NAV3: variants seen among roughly 807,000 people sequenced by gnomAD.
The protein encoded by NAV3 is pore membrane and/or filament interacting like protein 1.
A neutral mutation model predicts 244.7 loss-of-function variants in NAV3; 87 were observed. That is an observed-to-expected ratio of 0.36 (90% CI 0.30 to 0.42). The LOEUF (loss-of-function observed/expected upper bound fraction) is 0.42, where lower values mean the gene tolerates loss of function less well. Among genes scored for constraint, NAV3 ranks in the 20% least tolerant of loss-of-function variants. The pLI, the probability that NAV3 is intolerant of heterozygous loss-of-function variation, is 1.00. For missense variants in NAV3, 2,663 were observed against 2,893.3 expected (o/e 0.92, Z 1.83); for synonymous variants, 1,126 against 1,042.2 (o/e 1.08, Z -1.55).
chr12:77,793,067 C>A (rs1333959245), intron 2 of NAV3, among the ~76,000 whole-genome samples: 4 of 152,092 alleles, frequency 2.6e-5, no homozygotes, highest in Non-Finnish European at 4.4e-5. Context: ...AAATTTCTCC[C>A]ACCCACACAG....
intron 2 of NAV3, among the ~76,000 whole-genome samples, chr12:77,704,873 C>T (rs1875721279): frequency 1.3e-5 from 2 of 152,128 alleles, no homozygotes; most frequent in Non-Finnish European, 2.9e-5. Context: ...TGCTAGCTTC[C>T]CACTTCACTG....
chr12:78,011,052 GTTATTC>G (rs1593271797), intron 8 of NAV3, among the ~76,000 whole-genome samples: 1 of 152,068 alleles, frequency 6.6e-6, no homozygotes, highest in African/African-American at 2.4e-5. Context: ...CAAATTTGCT[GTTATTC>G]TTATTCATTT....
At chr12:77,947,051 C>A (rs933079837) in intron 3 of NAV3, among the ~76,000 whole-genome samples, 1 of 152,060 alleles carries the variant, frequency 6.6e-6, no homozygotes, top group East Asian at 1.9e-4. Context: ...CCAGCCACAA[C>A]CTTCAACCTA....
chr12:77,916,240 C>G (rs999521341), intron 1 of NAV3, among the ~76,000 whole-genome samples: 1 of 151,790 alleles, frequency 6.6e-6, no homozygotes, highest in African/African-American at 2.4e-5. Context: ...AATAACAAAA[C>G]AAAAGGAACT....
intron 9 of NAV3, among the ~76,000 whole-genome samples, chr12:78,047,707 G>C (rs1882068952): frequency 6.6e-6 from 1 of 152,152 alleles, no homozygotes; most frequent in Non-Finnish European, 1.5e-5. Flanking sequence ...TTCTCAAAGA[G>C]TATCTTTGTG....
At chr12:77,762,386 C>T (rs1210435879) in intron 2 of NAV3, among the ~76,000 whole-genome samples, 1 of 152,012 alleles carries the variant, frequency 6.6e-6, no homozygotes, top group East Asian at 1.9e-4. Flanking sequence ...ATGTAACAAA[C>T]CTGCACATTC....
chr12:77,639,587 G>A (rs1266090485), intron 2 of NAV3, among the ~76,000 whole-genome samples: 1 of 152,152 alleles, frequency 6.6e-6, no homozygotes, highest in East Asian at 1.9e-4. Flanking sequence ...TGATGTGAAG[G>A]AGAATAATTA....
chr12:77,595,713 TTAAA>T (rs1870137998), intron 2 of NAV3, among the ~76,000 whole-genome samples: 1 of 152,200 alleles, frequency 6.6e-6, no homozygotes, highest in African/African-American at 2.4e-5. Context: ...GTCTAGTTAC[TTAAA>T]TATAGTAGAT....
At chr12:77,923,491 G>A (rs1887906515) in intron 1 of NAV3, among the ~76,000 whole-genome samples, 1 of 152,044 alleles carries the variant, frequency 6.6e-6, no homozygotes, top group Admixed American at 6.6e-5. Flanking sequence ...CATAAATGAT[G>A]GTTAGTTTTC....
intron 2 of NAV3, among the ~76,000 whole-genome samples, chr12:77,587,462 T>G (rs982201480): frequency 5.3e-5 from 8 of 152,194 alleles, no homozygotes; most frequent in Non-Finnish European, 8.8e-5. Context: ...TGCCAAATGA[T>G]AAGATCCACA....
At chr12:77,770,223 G>A (rs1158142180) in intron 2 of NAV3, among the ~76,000 whole-genome samples, 2 of 152,152 alleles carry the variant, frequency 1.3e-5, no homozygotes, top group Non-Finnish European at 2.9e-5. Flanking sequence ...TGACACTGAG[G>A]AGAATATTTG....
chr12:77,730,774 T>C (rs1308528275), intron 2 of NAV3, among the ~76,000 whole-genome samples: 2 of 151,344 alleles, frequency 1.3e-5, no homozygotes, highest in African/African-American at 2.4e-5. Flanking sequence ...TTTTTTCTTT[T>C]TTTTTTTTTT....
At chr12:78,096,787 T>C (rs1357483194) in intron 12 of NAV3, among the ~76,000 whole-genome samples, 2 of 152,144 alleles carry the variant, frequency 1.3e-5, no homozygotes, top group African/African-American at 4.8e-5. Flanking sequence ...CGCCAAACCA[T>C]ATGAAGTTCT....
At chr12:77,647,457 T>A (rs563557195) in intron 2 of NAV3, among the ~76,000 whole-genome samples, 1 of 152,048 alleles carries the variant, frequency 6.6e-6, no homozygotes, top group Admixed American at 6.6e-5. Context: ...GCATGCTTTT[T>A]TTTTGTTTTG....
intron 28 of NAV3, among the ~76,000 whole-genome samples, chr12:78,178,768 T>G (rs1593925650): frequency 6.6e-6 from 1 of 152,250 alleles, no homozygotes; most frequent in Non-Finnish European, 1.5e-5. Flanking sequence ...GCCAGTAAAC[T>G]AGTTGTCAAA....
intron 34 of NAV3, among the ~76,000 whole-genome samples, chr12:78,193,540 A>G (rs1326439068): frequency 1.3e-5 from 2 of 151,980 alleles, no homozygotes; most frequent in African/African-American, 2.4e-5. Flanking sequence ...CTCATTGCCA[A>G]CTCCCATCTG....
intron 12 of NAV3, among the ~76,000 whole-genome samples, chr12:78,101,476 A>G (rs1315175133): frequency 1.3e-5 from 2 of 152,214 alleles, no homozygotes; most frequent in African/African-American, 4.8e-5. Context: ...AAATCATTAC[A>G]TATACATTTT....
chr12:77,599,215 C>T (rs141732594), intron 2 of NAV3, among the ~76,000 whole-genome samples: 1 of 151,872 alleles, frequency 6.6e-6, no homozygotes, highest in Non-Finnish European at 1.5e-5. Context: ...GTTTTTAATG[C>T]TGCACAATAT....
In NAV3 at chr12:78,210,438, C is replaced by T. The variant is rs866775667; in HGVS notation, c.7079C>T (p.Ser2360Leu). ...AAACTCCAAGAAGCAGCCAATTACT[C>T]GAGCACACAAAGCTGCGACAGCGAA... ...LMKLQEAANY[S>L]STQSCDSEST... Residue 2360 changes from serine to leucine, a missense_variant, in exon 40 of 40, where the codon TCG (serine) becomes TTG (leucine). Coordinates refer to ENST00000397909, the MANE Select transcript of NAV3 (RefSeq NM_001024383.2). The T allele has an allele frequency of 5.0e-6, 8 of 1,613,542 alleles. No homozygotes were observed. The highest frequency in any genetic ancestry group is 2.7e-5 in the African/African-American group (2 of 74,872).
Sources: gnomAD v4.1 joint callset for allele counts (sites outside exome capture counted in the v4.1 genomes callset) on GRCh38, gnomAD v4.1.1 for gene constraint, MANE v1.5 for transcripts, NCBI Gene and HGNC (gene_info 2026-07-23, HGNC 2026-07-21) for gene names.